The following DPYD variants were observed in gnomAD, a reference collection of about 807,000 sequenced individuals.
The protein encoded by DPYD is dihydropyrimidine dehydrogenase [NADP(+)].
DPYD carries 109 observed loss-of-function variants against 116.2 expected under a neutral mutation model. The ratio of observed to expected loss-of-function variants is 0.94; its 90% confidence interval spans 0.80 to 1.10. The LOEUF (loss-of-function observed/expected upper bound fraction) is 1.10, where lower values mean the gene tolerates loss of function less well. DPYD is among the 50% of genes least tolerant of loss of function. The pLI is 0.00. For synonymous variants in DPYD, 440 were observed against 432.0 expected (o/e 1.02, Z -0.23); for missense variants, 1,302 against 1,254.5 (o/e 1.04, Z -0.57).
At chr1:97,729,405 T>C (rs1318466856) in intron 4 of DPYD, among the ~76,000 whole-genome samples, 1 of 152,168 alleles carries the variant, frequency 6.6e-6, no homozygotes, top group Non-Finnish European at 1.5e-5. Flanking sequence ...ATGGATAAGA[T>C]GCCTATTCCA....
chr1:97,155,427 T>C (rs1055089975), intron 20 of DPYD, among the ~76,000 whole-genome samples: 4 of 152,084 alleles, frequency 2.6e-5, no homozygotes, highest in African/African-American at 7.2e-5. Context: ...CTCTCTGAAT[T>C]TTCACTCGAG....
intron 4 of DPYD, among the ~76,000 whole-genome samples, chr1:97,731,950 A>T (rs148813022): frequency 2.6e-5 from 4 of 152,106 alleles, no homozygotes; most frequent in African/African-American, 9.7e-5. Context: ...AAATTTGTCT[A>T]TACTATACAC....
chr1:97,808,917 TA>T (rs1188431984), intron 3 of DPYD, among the ~76,000 whole-genome samples: 2 of 152,190 alleles, frequency 1.3e-5, no homozygotes, highest in Admixed American at 6.5e-5. Flanking sequence ...CAGTTCAAAA[TA>T]TTTTTTTAAT....
intron 8 of DPYD, among the ~76,000 whole-genome samples, chr1:97,605,100 G>A (rs897878893): frequency 1.3e-5 from 2 of 152,054 alleles, no homozygotes; most frequent in Admixed American, 6.6e-5. Context: ...AATGCACTGC[G>A]ATTTTCCACA....
Position 97,407,453 on chromosome 1 carries a change from CTG to C in DPYD, c.1906-24994_1906-24993del, listed in dbSNP as rs558828715. ...AATCCTGGCGTGTACATTAGTGGTACTGTGTCTTAGGCAACGGATGGCAAACT... is the reference window on the plus strand; with the variant it reads ...AATCCTGGCGTGTACATTAGTGGTACTGTCTTAGGCAACGGATGGCAAACT... On this transcript the variant is annotated intron_variant, in intron 14 of 22. Transcript: ENST00000370192. Among the ~76,000 whole-genome samples, 786 of 152,262 alleles carry C rather than the reference CTG, an allele frequency of 5.2e-3. 10 individuals carry two copies. Among genetic ancestry groups the C allele is most frequent in the African/African-American group, 0.018 (739 of 41,552 alleles).
At chr1:97,336,856 G>C (rs1274526463) in intron 16 of DPYD, among the ~76,000 whole-genome samples, 2 of 152,126 alleles carry the variant, frequency 1.3e-5, no homozygotes, top group African/African-American at 4.8e-5. Context: ...AACAGCAGAG[G>C]GTAGAAACTG....
At chr1:97,150,638 T>C (rs971900288) in intron 20 of DPYD, among the ~76,000 whole-genome samples, 5 of 152,178 alleles carry the variant, frequency 3.3e-5, no homozygotes, top group African/African-American at 9.6e-5. Context: ...ATTTCTCTTA[T>C]ACAAAAGAGG....
intron 14 of DPYD, among the ~76,000 whole-genome samples, chr1:97,384,890 G>C (rs1672230508): frequency 6.6e-6 from 1 of 152,084 alleles, no homozygotes; most frequent in Non-Finnish European, 1.5e-5. Context: ...ACAAAGAGAA[G>C]AAAGTAAAAG....
At chr1:97,766,836 C>A (rs1250707248) in intron 3 of DPYD, among the ~76,000 whole-genome samples, 3 of 152,164 alleles carry the variant, frequency 2.0e-5, no homozygotes, top group African/African-American at 7.2e-5. Flanking sequence ...AAATTGTCTG[C>A]AACTTTCTAT....
chr1:97,699,223 G>T, intron 6 of DPYD, 128 bp downstream of exon 6: 1 of 1,028,198 alleles, frequency 9.7e-7, no homozygotes, highest in Non-Finnish European at 1.4e-6. Flanking sequence ...TTGAACATTT[G>T]GAAAAAGAAC....
At chr1:97,608,995 A>T (rs1332694437) in intron 8 of DPYD, among the ~76,000 whole-genome samples, 1 of 151,968 alleles carries the variant, frequency 6.6e-6, no homozygotes, top group African/African-American at 2.4e-5. Context: ...GATAGTATAG[A>T]GAGCATACAT....
chr1:97,083,753 A>G (rs1649321259), intron 21 of DPYD, among the ~76,000 whole-genome samples: 1 of 152,102 alleles, frequency 6.6e-6, no homozygotes, highest in Admixed American at 6.6e-5. Context: ...TACTCACTGA[A>G]CTTATCATCA....
intron 8 of DPYD, among the ~76,000 whole-genome samples, chr1:97,675,798 G>A (rs1242799598): frequency 6.6e-6 from 1 of 150,892 alleles, no homozygotes; most frequent in Non-Finnish European, 1.5e-5. Flanking sequence ...CAGGAGGCTG[G>A]AGTGCAGTGG....
chr1:97,582,381 C>G (rs1364716007), intron 10 of DPYD, among the ~76,000 whole-genome samples: 1 of 152,146 alleles, frequency 6.6e-6, no homozygotes, highest in Non-Finnish European at 1.5e-5. Context: ...ATATTTAATT[C>G]ATATGAATTT....
intron 20 of DPYD, among the ~76,000 whole-genome samples, chr1:97,142,293 T>C (rs1474379217): frequency 6.6e-6 from 1 of 152,218 alleles, no homozygotes; most frequent in Non-Finnish European, 1.5e-5. Flanking sequence ...CAAGCATTTC[T>C]GCTTTTAAAT....
chr1:97,385,317 AAG>A lies in DPYD; in HGVS notation c.1906-2858_1906-2857del, dbSNP rs1284918421. Among the ~76,000 whole-genome samples the A allele has an allele frequency of 4.1e-4, 46 of 112,338 alleles. No individual in the cohort carries two copies. In the East Asian group the frequency reaches 6.3e-3, roughly 15 times the overall value. 73.7% of individuals were successfully genotyped at this position (112,338 alleles called of 152,430 possible). ...AAAAAAAAAAAAAAAAAAAAAAAAA[AAG>A]AGAGAGAGAGATTAAGGACCTTATT... On this transcript the variant is annotated intron_variant, in intron 14 of 22. Transcript: ENST00000370192.
chr1:97,807,841 C>A (rs1050111845), intron 3 of DPYD, among the ~76,000 whole-genome samples: 1 of 151,908 alleles, frequency 6.6e-6, no homozygotes, highest in Non-Finnish European at 1.5e-5. Flanking sequence ...TCCAGTGTGT[C>A]TAGATTTTTT....
intron 20 of DPYD, among the ~76,000 whole-genome samples, chr1:97,182,150 T>C (rs576715534): frequency 1.3e-5 from 2 of 152,238 alleles, no homozygotes; most frequent in South Asian, 2.1e-4. Flanking sequence ...ACTGATGAGA[T>C]GATCAGAAGC....
chr1:97,415,612 A>G (rs1012897371), intron 14 of DPYD, among the ~76,000 whole-genome samples: 3 of 152,154 alleles, frequency 2.0e-5, no homozygotes, highest in African/African-American at 7.2e-5. Context: ...GTGAGCCACC[A>G]TGCCTGGCCT....
Sources: gnomAD v4.1 joint callset for allele counts (sites outside exome capture counted in the v4.1 genomes callset) on GRCh38, gnomAD v4.1.1 for gene constraint, MANE v1.5 for transcripts, NCBI Gene and HGNC (gene_info 2026-07-23, HGNC 2026-07-21) for gene names.